Variants in CEP43 observed in about 807,000 individuals in gnomAD.
CEP43 encodes FGFR1 oncogene partner.
CEP43 carries 36 observed loss-of-function variants against 52.6 expected under a neutral mutation model. The observed-to-expected ratio is 0.68, with a 90% CI of 0.52 to 0.90. The LOEUF (loss-of-function observed/expected upper bound fraction) is 0.90, where lower values mean the gene tolerates loss of function less well. Ranked by LOEUF, CEP43 falls within the 40% of genes least tolerant of loss-of-function variation. CEP43 has a pLI of 0.00. For synonymous variants in CEP43, 192 were observed against 172.4 expected, an observed-to-expected ratio of 1.11 and a Z score of -0.89; for missense variants, 506 against 472.8, an observed-to-expected ratio of 1.07 and a Z score of -0.65.
Position 166,999,481 on chromosome 6 carries a change from G to A in CEP43, c.69G>A (p.Thr23=). The change falls in exon 1 of 13, where the codon ACG becomes ACA. Residue 23 remains threonine, a synonymous_variant. Coordinates refer to ENST00000366847, the MANE Select transcript of CEP43 (RefSeq NM_007045.4). The stretch of plus-strand genomic sequence containing the variant: ...AGCTGCGGGACCTGCTGGTGCAGAC[G>A]CTGGAGAACAGCGGGGTCCTGAACC... The part of the protein sequence containing the change: ...DTELRDLLVQ[T]LENSGVLNRI... The A allele has an allele frequency of 6.7e-7, 1 of 1,483,942 alleles. No individual in the cohort carries two copies. The highest frequency in any genetic ancestry group is 9.0e-7 in the Non-Finnish European group (1 of 1,115,136). 91.9% of individuals were successfully genotyped at this position (1,483,942 alleles called of 1,614,324 possible). A position where few individuals can be genotyped will look rare whatever the true frequency, so the allele number is the denominator to read the frequency against.
chr6:167,020,290 T>C (rs1007497448), intron 7 of CEP43, among the ~76,000 whole-genome samples: 3 of 152,212 alleles, frequency 2.0e-5, no homozygotes, highest in Non-Finnish European at 2.9e-5. Context: ...TGTAGCTCTC[T>C]AGAAGGCAAT....
chr6:167,028,598 A>G, intron 10 of CEP43: 1 of 599,548 alleles, frequency 1.7e-6, no homozygotes, highest in Middle Eastern at 8.6e-4. Flanking sequence ...GGACCAGCCT[A>G]GGAGAATAAT....
At chr6:167,014,072 C>T (rs549777647) in intron 7 of CEP43, among the ~76,000 whole-genome samples, 1 of 152,278 alleles carries the variant, frequency 6.6e-6, no homozygotes, top group South Asian at 2.1e-4. Context: ...AAACCATGCT[C>T]TCAGTTTTAC....
intron 10 of CEP43, chr6:167,028,330 A>G: frequency 1.0e-6 from 1 of 985,376 alleles, no homozygotes; most frequent in Non-Finnish European, 1.2e-6. Context: ...GTTGCTGGGT[A>G]CAGGCAGGAG....
Position 167,050,781 on chromosome 6 carries a change from GAAAAAAA to G in CEP43, c.*10820_*10826del, listed in dbSNP as rs61698763. The G allele has an allele frequency of 8.9e-3, 855 of 96,368 alleles. 15 individuals are homozygous for G. The East Asian group carries it at 0.12, about 13-fold the overall frequency. The allele number at this position is 96,368 out of a possible 1,614,324, so 6.0% of individuals were successfully genotyped here. On this transcript the variant is annotated 3_prime_UTR_variant, in exon 13 of 13. Transcript: ENST00000366847. Reference sequence around the variant, plus strand: ...GGGTGACAGAGTGAGACTCAAAAAAGAAAAAAAAAAAAAAAAAAAAAAAGAAAGAAAA... The same window carrying G: ...GGGTGACAGAGTGAGACTCAAAAAAGAAAAAAAAAAAAAAAAGAAAGAAAA...
chr6:167,030,806 G>A (rs1049841930), intron 10 of CEP43, among the ~76,000 whole-genome samples: 2 of 152,074 alleles, frequency 1.3e-5, no homozygotes, highest in African/African-American at 4.8e-5. Context: ...TGGGAAAACA[G>A]AAGTGAGGTA....
At chr6:167,010,693 TAAG>T in intron 5 of CEP43, 117 bp from the exon 6 acceptor site, 5 of 494,606 alleles carry the variant, frequency 1.0e-5, no homozygotes, top group Non-Finnish European at 1.0e-5. Context: ...GTTACTTTAA[TAAG>T]AAATAAAATA....
chr6:167,040,405 A>G lies in CEP43; in HGVS notation c.*427A>G. On this transcript the variant is annotated 3_prime_UTR_variant, in exon 13 of 13. Transcript: ENST00000366847. ...AATCAGAGCTTACCCACCATAGTAT[A>G]TTTTGATATTAGGTGGTTCTACACA... 1 of 1,304,098 alleles carries G rather than the reference A, an allele frequency of 7.7e-7. No homozygotes were observed. The highest frequency in any genetic ancestry group is 9.7e-7 in the Non-Finnish European group (1 of 1,025,846). The allele number at this position is 1,304,098 out of a possible 1,614,324, so 80.8% of individuals were successfully genotyped here. A position where few individuals can be genotyped will look rare whatever the true frequency, so the allele number is the denominator to read the frequency against.
intron 4 of CEP43, 49 bp downstream of exon 4, chr6:167,003,860 T>A: frequency 9.0e-7 from 1 of 1,105,314 alleles, no homozygotes; most frequent in Non-Finnish European, 1.4e-6. Flanking sequence ...TTGATACAAA[T>A]GAGTTAATAT....
intron 12 of CEP43, among the ~76,000 whole-genome samples, chr6:167,037,658 C>T (rs73031596): frequency 0.02 from 3,088 of 152,152 alleles, 53 homozygotes; most frequent in East Asian, 0.092. Context: ...TCTGAATATC[C>T]GAAGAATAAC....
chr6:167,033,859 C>A lies in CEP43; in HGVS notation c.1029-16C>A. ...ATTTTCAGAGTTCTTATTTTTTTTTCCCCTTCTGAAATTAGTACCAGCCAT... is the reference window on the plus strand; with the variant it reads ...ATTTTCAGAGTTCTTATTTTTTTTTACCCTTCTGAAATTAGTACCAGCCAT... On this transcript the variant is annotated splice_polypyrimidine_tract_variant and intron_variant, in intron 11 of 12. Coordinates refer to ENST00000366847, the MANE Select transcript of CEP43 (RefSeq NM_007045.4). The A allele has an allele frequency of 7.8e-7, 1 of 1,280,374 alleles. No homozygotes were observed. Among genetic ancestry groups the A allele is most frequent in the South Asian group, 1.3e-5 (1 of 74,736 alleles). 79.3% of individuals were successfully genotyped at this position (1,280,374 alleles called of 1,614,324 possible). A position where few individuals can be genotyped will look rare whatever the true frequency, so the allele number is the denominator to read the frequency against.
At chr6:167,032,072 A>G (rs1189711981) in intron 10 of CEP43, among the ~76,000 whole-genome samples, 3 of 152,222 alleles carry the variant, frequency 2.0e-5, no homozygotes, top group Admixed American at 1.3e-4. Flanking sequence ...AGCAGAGGAC[A>G]TGGCCCAGAA....
At chr6:167,034,583 T>TGGAGG (rs966048356) in intron 12 of CEP43, among the ~76,000 whole-genome samples, 1 of 152,138 alleles carries the variant, frequency 6.6e-6, no homozygotes, top group Non-Finnish European at 1.5e-5. Flanking sequence ...CCAGTCAGGT[T>TGGAGG]GGAGGTTGCC....
intron 8 of CEP43, among the ~76,000 whole-genome samples, chr6:167,024,547 A>G (rs1780311271): frequency 6.6e-6 from 1 of 152,206 alleles, no homozygotes; most frequent in Non-Finnish European, 1.5e-5. Context: ...ATCAAACAGA[A>G]TTCTAAAGAG....
At chr6:167,014,119 A>G (rs1780042402) in intron 7 of CEP43, among the ~76,000 whole-genome samples, 1 of 152,242 alleles carries the variant, frequency 6.6e-6, no homozygotes, top group African/African-American at 2.4e-5. Context: ...TTAGAGTTGA[A>G]AATACGTATT....
chr6:167,034,685 C>T (rs1319141532), intron 12 of CEP43, among the ~76,000 whole-genome samples: 2 of 152,152 alleles, frequency 1.3e-5, no homozygotes, highest in Non-Finnish European at 2.9e-5. Flanking sequence ...AGAGAGGTAG[C>T]GTTTACAATG....
At position 166,999,439 on chromosome 6, in the gene CEP43, G is replaced by A. The variant is rs1263889141; in HGVS notation, c.27G>A (p.Val9=). 4 of 1,480,202 alleles carry A rather than the reference G, an allele frequency of 2.7e-6. No individual in the cohort carries two copies. The Admixed American group carries it at 9.4e-5, about 35-fold the overall frequency. 91.7% of individuals were successfully genotyped at this position (1,480,202 alleles called of 1,614,324 possible). Reference sequence around the variant, plus strand: ...TGGCGGCGACGGCGGCCGCAGTGGTGGCCGAGGAGGACACGGAGCTGCGGG... The same window carrying A: ...TGGCGGCGACGGCGGCCGCAGTGGTAGCCGAGGAGGACACGGAGCTGCGGG... The part of the protein sequence containing the change: MAATAAAV[V]AEEDTELRDL... The change falls in exon 1 of 13, where the codon GTG becomes GTA. Residue 9 remains valine, a synonymous_variant. Transcript: ENST00000366847.
rs1041626726 is a variant in CEP43, at chr6:167,050,344, A to C, written c.*10366A>C. The C allele has an allele frequency of 2.0e-5, 3 of 152,260 alleles. No homozygotes were observed. The highest frequency in any genetic ancestry group is 7.2e-5 in the African/African-American group (3 of 41,456). The allele number at this position is 152,260 out of a possible 1,614,324, so 9.4% of individuals were successfully genotyped here. ...AGTCAATTAAACCTCTTTCCTTTAT[A>C]AATTACCAAGCTGCGGCTATTTCTT... On this transcript the variant is annotated 3_prime_UTR_variant, in exon 13 of 13. Coordinates refer to ENST00000366847, the MANE Select transcript of CEP43 (RefSeq NM_007045.4).
At chr6:167,020,488 G>A (rs895791037) in intron 7 of CEP43, among the ~76,000 whole-genome samples, 2 of 152,178 alleles carry the variant, frequency 1.3e-5, no homozygotes, top group Non-Finnish European at 2.9e-5. Context: ...CCATGCTTCA[G>A]TAGTTACTAC....
Sources: gnomAD v4.1 joint callset for allele counts (sites outside exome capture counted in the v4.1 genomes callset) on GRCh38, gnomAD v4.1.1 for gene constraint, MANE v1.5 for transcripts, NCBI Gene and HGNC (gene_info 2026-07-23, HGNC 2026-07-21) for gene names.